PKD2L1: variants seen among roughly 807,000 people sequenced by gnomAD.
The protein encoded by PKD2L1 is polycystin 2 like 1, transient receptor potential cation channel.
Under a neutral mutation model 93.0 loss-of-function variants are expected in PKD2L1, and 77 were observed. The ratio of observed to expected loss-of-function variants is 0.83; its 90% CI spans 0.69 to 1.00. The LOEUF (loss-of-function observed/expected upper bound fraction) is 1.00, where lower values mean the gene tolerates loss of function less well. Among genes scored for constraint, PKD2L1 ranks in the 50% least tolerant of loss-of-function variants. The pLI, the probability that PKD2L1 is intolerant of heterozygous loss-of-function variation, is 0.00. For missense variants in PKD2L1, 977 were observed against 990.9 expected (o/e 0.99, Z 0.19); for synonymous variants, 390 against 388.0 (o/e 1.01, Z -0.06).
chr10:100,324,721 A>G (rs1440928885), intron 2 of PKD2L1, among the ~76,000 whole-genome samples: 1 of 152,256 alleles, frequency 6.6e-6, no homozygotes, highest in African/African-American at 2.4e-5. Context: ...ACAATTGTTC[A>G]AGGTCACAAA....
At position 100,299,697 on chromosome 10, in the gene PKD2L1, G is replaced by C; in HGVS notation, c.371C>G (p.Ser124Cys). Residue 124 changes from serine (S) to cysteine (C), a missense_variant, in exon 3 of 16, where the codon TCC becomes TGC. Coordinates refer to ENST00000318222, the MANE Select transcript of PKD2L1 (RefSeq NM_016112.3). The stretch of plus-strand genomic sequence containing the variant: ...CACTTTGGTGTAGTAATAAGCACTG[G>C]AGCTTGTCATTCCATAGGTCACTAG... ...ICLLTYGMTSSSAYYYTKVMS... is the reference protein window; with the variant it reads ...ICLLTYGMTSCSAYYYTKVMS... 1 of 1,613,728 alleles carries C rather than the reference G, an allele frequency of 6.2e-7. No individual in the cohort carries two copies. The highest frequency in any genetic ancestry group is 1.1e-5 in the South Asian group (1 of 91,068).
At chr10:100,321,695 GAA>G (rs1294567235) in intron 2 of PKD2L1, among the ~76,000 whole-genome samples, 2 of 2,418 alleles carry the variant, frequency 8.3e-4, no homozygotes, top group African/African-American at 2.6e-3. Context: ...AAGAAAGAAA[GAA>G]AGAAAGAAAG....
chr10:100,298,203 C>G (rs545150349), intron 4 of PKD2L1, among the ~76,000 whole-genome samples: 1 of 152,316 alleles, frequency 6.6e-6, no homozygotes, highest in East Asian at 1.9e-4. Context: ...ACGTATCAAT[C>G]TCAAGGGTTG....
intron 7 of PKD2L1, among the ~76,000 whole-genome samples, chr10:100,295,507 G>A (rs1307827238): frequency 1.3e-5 from 2 of 151,500 alleles, no homozygotes; most frequent in African/African-American, 4.8e-5. Flanking sequence ...TGAGGCAGGT[G>A]GATGGCTCAA....
At chr10:100,317,064 G>A (rs1258976937) in intron 2 of PKD2L1, among the ~76,000 whole-genome samples, 2 of 151,426 alleles carry the variant, frequency 1.3e-5, no homozygotes, top group Non-Finnish European at 2.9e-5. Context: ...CTGCAGCCTG[G>A]GTGACAGAGC....
chr10:100,296,842 G>C lies in PKD2L1; in HGVS notation c.1185+138C>G, dbSNP rs945775913. 6 of 622,146 alleles carry C rather than the reference G, an allele frequency of 9.6e-6. No homozygotes were observed. The Admixed American group carries it at 1.4e-4, about 15-fold the overall frequency. 38.5% of individuals were successfully genotyped at this position (622,146 alleles called of 1,614,324 possible). A position where few individuals can be genotyped will look rare whatever the true frequency, so the allele number is the denominator to read the frequency against. On this transcript the variant is annotated intron_variant, in intron 6 of 15. Transcript: ENST00000318222. ...GAGGGGAACATGTCCCTCTCACTTA[G>C]GGAGCTGTTAAATGATGATTTGACC...
At chr10:100,321,692 A>G (rs553828538) in intron 2 of PKD2L1, among the ~76,000 whole-genome samples, 7 of 2,172 alleles carry the variant, frequency 3.2e-3, no homozygotes, top group African/African-American at 8.5e-3. Context: ...AGAAAGAAAG[A>G]AAGAAAGAAA....
rs756696618 is a variant in PKD2L1 at position 100,297,518 on chromosome 10, G to A, written c.820C>T (p.Leu274Phe). ...SYSGGGYYLD[L>F]PGSRQGSAEA... Reference sequence around the variant, plus strand: ...GCACTACCCTGTCGGGATCCTGGAAGGTCCAGGTAGTAGCCACCTCCGCTG... The same window carrying A: ...GCACTACCCTGTCGGGATCCTGGAAAGTCCAGGTAGTAGCCACCTCCGCTG... The change falls in exon 5 of 16, where the codon CTT becomes TTT. Residue 274 changes from leucine (L) to phenylalanine (F), a missense_variant. Leu to Phe is a conservative substitution (Grantham distance 22). Coordinates refer to ENST00000318222, the MANE Select transcript of PKD2L1 (RefSeq NM_016112.3). 5 of 1,614,142 alleles carry A rather than the reference G, an allele frequency of 3.1e-6. No individual in the cohort carries two copies. Among genetic ancestry groups the A allele is most frequent in the Non-Finnish European group, 3.4e-6 (4 of 1,179,994 alleles).
intron 2 of PKD2L1, among the ~76,000 whole-genome samples, chr10:100,316,159 A>G (rs1849096996): frequency 6.6e-6 from 1 of 151,920 alleles, no homozygotes; most frequent in South Asian, 2.1e-4. Flanking sequence ...AAGGCAGAAG[A>G]TGTGTCTCGG....
intron 14 of PKD2L1, 40 bp from the exon 15 acceptor site, chr10:100,289,096 G>A (rs1473929038): frequency 7.0e-7 from 1 of 1,422,752 alleles, no homozygotes; most frequent in South Asian, 1.2e-5. Context: ...TGAAGAAATA[G>A]TTTGTGTACC....
chr10:100,293,088 A>G lies in PKD2L1; in HGVS notation c.1759-19T>C, dbSNP rs768690123. On this transcript the variant is annotated intron_variant, in intron 10 of 15. Transcript: ENST00000318222. ...TGTAGCCCTGAAAGGGAAAGGAAAT[A>G]GGCACAAGTTCTCACAGGCTGCTCA... The G allele has an allele frequency of 6.2e-7, 1 of 1,612,264 alleles. No individual in the cohort carries two copies. Among genetic ancestry groups the G allele is most frequent in the East Asian group, 2.2e-5 (1 of 44,870 alleles).
At chr10:100,297,352 A>G in intron 5 of PKD2L1, 30 bp downstream of exon 5, 1 of 1,577,658 alleles carries the variant, frequency 6.3e-7, no homozygotes, top group Non-Finnish European at 8.7e-7. Context: ...AGCCATGGAC[A>G]GGGTGATAAA....
Position 100,330,116 on chromosome 10 carries a change from G to C in PKD2L1, c.-13C>G, listed in dbSNP as rs200807063. On this transcript the variant is annotated 5_prime_UTR_variant, in exon 1 of 16. Coordinates refer to ENST00000318222, the MANE Select transcript of PKD2L1 (RefSeq NM_016112.3). ...CCACAGCATTCATGGGGAATGAGGT[G>C]GGGGGGCCCGGTACCCCAGGTGCCC... 2,515 of 1,497,694 alleles carry C rather than the reference G, an allele frequency of 1.7e-3. 15 individuals carry two copies. Among genetic ancestry groups the C allele is most frequent in the South Asian group, 0.012 (957 of 79,304 alleles). The allele number at this position is 1,497,694 out of a possible 1,614,324, so 92.8% of individuals were successfully genotyped here.
chr10:100,291,909 C>T (rs1295930184), intron 11 of PKD2L1, among the ~76,000 whole-genome samples: 2 of 152,038 alleles, frequency 1.3e-5, no homozygotes, highest in Non-Finnish European at 2.9e-5. Context: ...CACCTGTCCC[C>T]GCCCCTTTAT....
intron 8 of PKD2L1, 138 bp downstream of exon 8, chr10:100,294,804 G>A (rs559201238): frequency 7.6e-7 from 1 of 1,313,354 alleles, no homozygotes; most frequent in South Asian, 1.3e-5. Context: ...CACACACCAG[G>A]GCTTCTGGAG....
chr10:100,291,878 C>A (rs1169452754), intron 11 of PKD2L1, among the ~76,000 whole-genome samples: 2 of 152,098 alleles, frequency 1.3e-5, no homozygotes, highest in African/African-American at 4.8e-5. Flanking sequence ...TTTCTCTGGT[C>A]TCATCTCCTG....
chr10:100,290,072 T>C lies in PKD2L1; in HGVS notation c.2193A>G (p.Val731=), dbSNP rs1316469345. 1 of 1,614,112 alleles carries C rather than the reference T, an allele frequency of 6.2e-7. No individual in the cohort carries two copies. Among genetic ancestry groups the C allele is most frequent in the Admixed American group, 1.7e-5 (1 of 60,016 alleles). The change falls in exon 14 of 16, where the codon GTA becomes GTG. Residue 731 remains valine, a synonymous_variant. Coordinates refer to ENST00000318222, the MANE Select transcript of PKD2L1 (RefSeq NM_016112.3). ...LEGVVSQIDA[V]GSKLKMLERK... is the part of the protein sequence containing the mutation. ...TCTCCAGCATTTTCAGCTTTGAGCC[T>C]ACAGCATCAATCTGGGACACTACTC...
intron 2 of PKD2L1, among the ~76,000 whole-genome samples, chr10:100,324,889 C>G (rs894577754): frequency 2.6e-5 from 4 of 152,180 alleles, no homozygotes. Context: ...ACTGGCACAG[C>G]TGCATGTCCA....
In PKD2L1 at chr10:100,297,078, T is replaced by C; in HGVS notation, c.1087A>G (p.Ile363Val). The C allele has an allele frequency of 6.2e-7, 1 of 1,614,024 alleles. No homozygotes were observed. The highest frequency in any genetic ancestry group is 8.5e-7 in the Non-Finnish European group (1 of 1,179,970). ...VGCEVIFCVF[I>V]FYYVVEEILE... ...ATCTCTTCCACCACATAGTAGAAGA[T>C]GAAGACGCAGAAGATGACCTCACAG... The change falls in exon 6 of 16, where the codon ATC becomes GTC. Residue 363 changes from isoleucine (I) to valine (V), a missense_variant. By Grantham distance (29) the Ile-to-Val change is conservative (BLOSUM62 3). Transcript: ENST00000318222.
Sources: allele counts gnomAD v4.1 joint callset (sites outside exome capture counted in the v4.1 genomes callset), GRCh38; gene constraint gnomAD v4.1.1; transcripts MANE v1.5; gene names NCBI Gene and HGNC (gene_info 2026-07-23, HGNC 2026-07-21).